RAB27A: variants seen among roughly 807,000 people sequenced by gnomAD.
RAB27A encodes the protein RAB27A, member RAS oncogene family, also known as ras-related protein Rab-27A.
A neutral mutation model predicts 20.8 loss-of-function variants in RAB27A; 17 were observed. The ratio of observed to expected loss-of-function variants is 0.82; its 90% confidence interval spans 0.56 to 1.23. The LOEUF (loss-of-function observed/expected upper bound fraction) is 1.23, where lower values mean the gene tolerates loss of function less well. Among genes scored for constraint, RAB27A ranks in the 50% most tolerant of loss-of-function variants. The pLI, the probability that RAB27A is intolerant of heterozygous loss-of-function variation, is 0.00. For missense variants in RAB27A, 277 were observed against 266.7 expected (o/e 1.04, Z -0.27); for synonymous variants, 85 against 92.8 (o/e 0.92, Z 0.48).
At chr15:55,278,752 G>C (rs541423321) in intron 1 of RAB27A, among the ~76,000 whole-genome samples, 6 of 152,258 alleles carry the variant, frequency 3.9e-5, no homozygotes, top group Non-Finnish European at 8.8e-5. Context: ...AAAGTGCTGG[G>C]ATTACAGGCG....
rs527521261 is a variant in RAB27A at position 55,315,699 on chromosome 15, A to G, written c.-233-1539T>C. On this transcript the variant is annotated intron_variant, in intron 1 of 5. Coordinates refer to the RAB27A transcript ENST00000563262. ...TAGAGAAATGCAAATCAAAACCACA[A>G]TGAGATACCATCTCATGCCAGTTAG... 4.2e-4 allele frequency among the ~76,000 whole-genome samples: 64 copies of G among 152,314 alleles called. 1 individual carries two copies. The South Asian group carries it at 8.7e-3, about 21-fold the overall frequency.
intron 1 of RAB27A, among the ~76,000 whole-genome samples, chr15:55,288,260 C>A (rs1322042873): frequency 3.3e-5 from 5 of 152,130 alleles, no homozygotes; most frequent in African/African-American, 1.2e-4. Flanking sequence ...GTGGCTCAAG[C>A]CTATAATCCC....
chr15:55,235,496 A>G (rs1051335663), intron 2 of RAB27A, among the ~76,000 whole-genome samples: 1 of 152,026 alleles, frequency 6.6e-6, no homozygotes, highest in African/African-American at 2.4e-5. Flanking sequence ...AAACATACAT[A>G]TTATAGTACC....
intron 2 of RAB27A, among the ~76,000 whole-genome samples, chr15:55,237,023 T>G (rs1264988952): frequency 1.3e-5 from 2 of 152,134 alleles, no homozygotes; most frequent in African/African-American, 4.8e-5. Flanking sequence ...TAAACTCTCC[T>G]GAAAATCATA....
chr15:55,226,132 A>C (rs1182429655), intron 5 of RAB27A, among the ~76,000 whole-genome samples: 1 of 152,214 alleles, frequency 6.6e-6, no homozygotes, highest in Non-Finnish European at 1.5e-5. Flanking sequence ...AATGTAGGCT[A>C]CTTTAAAGTT....
intron 1 of RAB27A, among the ~76,000 whole-genome samples, chr15:55,271,981 C>T (rs547381148): frequency 3.9e-4 from 60 of 152,262 alleles, no homozygotes; most frequent in African/African-American, 1.4e-3. Context: ...GCACCTCTTT[C>T]TTTTTTATAT....
intron 2 of RAB27A, among the ~76,000 whole-genome samples, chr15:55,306,377 T>A (rs1566941251): frequency 6.6e-6 from 1 of 152,162 alleles, no homozygotes; most frequent in Non-Finnish European, 1.5e-5. Flanking sequence ...GAGGGTGGTA[T>A]TAAATAGGCT....
At chr15:55,232,296 G>C (rs1246747874) in intron 3 of RAB27A, among the ~76,000 whole-genome samples, 1 of 152,098 alleles carries the variant, frequency 6.6e-6, no homozygotes, top group African/African-American at 2.4e-5. Flanking sequence ...AATTATCCCA[G>C]AAACATAATT....
chr15:55,278,482 A>T (rs377048146), intron 1 of RAB27A, among the ~76,000 whole-genome samples: 38 of 137,486 alleles, frequency 2.8e-4, no homozygotes, highest in South Asian at 1.4e-3. Context: ...AATCATTATT[A>T]TTTTTTTTTT....
At chr15:55,231,455 T>G (rs1345922107) in intron 3 of RAB27A, among the ~76,000 whole-genome samples, 1 of 152,270 alleles carries the variant, frequency 6.6e-6, no homozygotes, top group African/African-American at 2.4e-5. Context: ...CCAAATCAAC[T>G]TTTTCAGTAC....
At chr15:55,287,986 A>G (rs74761253) in intron 1 of RAB27A, among the ~76,000 whole-genome samples, 3 of 152,214 alleles carry the variant, frequency 2.0e-5, no homozygotes, top group Non-Finnish European at 4.4e-5. Flanking sequence ...TGCCAAAACT[A>G]TTCAAAGAGG....
intron 2 of RAB27A, among the ~76,000 whole-genome samples, chr15:55,260,174 C>T (rs1411886274): frequency 6.6e-6 from 1 of 152,132 alleles, no homozygotes; most frequent in African/African-American, 2.4e-5. Flanking sequence ...GGCAAATATG[C>T]ATATGAGAAG....
intron 6 of RAB27A, among the ~76,000 whole-genome samples, chr15:55,207,882 C>T (rs1894728235): frequency 6.6e-6 from 1 of 152,154 alleles, no homozygotes; most frequent in South Asian, 2.1e-4. Flanking sequence ...GTCTCAAACT[C>T]CTGACCTCAA....
intron 2 of RAB27A, among the ~76,000 whole-genome samples, chr15:55,303,112 G>A (rs1237382641): frequency 5.4e-5 from 7 of 130,596 alleles, no homozygotes; most frequent in African/African-American, 1.5e-4. Flanking sequence ...CTGGCCAGCC[G>A]TGCCGTCCGG....
At chr15:55,223,117 A>G (rs1895651999) in intron 6 of RAB27A, among the ~76,000 whole-genome samples, 1 of 152,162 alleles carries the variant, frequency 6.6e-6, no homozygotes, top group Admixed American at 6.6e-5. Flanking sequence ...CTCTCCCAGA[A>G]TAGAAATTTC....
At position 55,302,771 on chromosome 15, in the gene RAB27A, G is replaced by A. The variant is rs376364279; in HGVS notation, c.-112+11268C>T. ...AGCACCTCTGCCCGGCCGAGACCCCGTCTGGGAGGTGAGGAGCATCTCTGC... is the reference window on the plus strand; with the variant it reads ...AGCACCTCTGCCCGGCCGAGACCCCATCTGGGAGGTGAGGAGCATCTCTGC... On this transcript the variant is annotated intron_variant, in intron 2 of 5. Coordinates refer to the RAB27A transcript ENST00000563262. Among the ~76,000 whole-genome samples the A allele has an allele frequency of 5.0e-4, 68 of 135,326 alleles. 2 individuals are homozygous for A. The highest frequency in any genetic ancestry group is 1.1e-3 in the East Asian group (4 of 3,752). The allele number at this position is 135,326 out of a possible 152,430, so 88.8% of individuals were successfully genotyped here.
chr15:55,278,734 A>G (rs7164608), intron 1 of RAB27A, among the ~76,000 whole-genome samples: 75,005 of 151,996 alleles, frequency 0.49, 21,748 homozygotes, highest in African/African-American at 0.79. Context: ...TGCCCGCCTC[A>G]GCCTCCCAAA....
At chr15:55,223,485 G>T (rs1430955763) in intron 6 of RAB27A, among the ~76,000 whole-genome samples, 1 of 151,312 alleles carries the variant, frequency 6.6e-6, no homozygotes, top group Non-Finnish European at 1.5e-5. Context: ...CTCCAGCCTG[G>T]GTGACAGTGT....
rs1275872564 is a variant in RAB27A, at chr15:55,224,103, T to C, written c.344-91A>G. 3.2e-6 allele frequency: 3 copies of C among 948,986 alleles called. No individual in the cohort carries two copies. In the African/African-American group the frequency reaches 5.0e-5, roughly 16 times the overall value. 58.8% of individuals were successfully genotyped at this position (948,986 alleles called of 1,614,324 possible). The stretch of plus-strand genomic sequence containing the variant: ...ACATGCAAAAGTGCTTTGAAGACTA[T>C]AATGTATATATAGATATTGGGAATT... On this transcript the variant is annotated intron_variant, in intron 5 of 6. Transcript: ENST00000336787.
Sources: gnomAD v4.1 joint callset for allele counts (sites outside exome capture counted in the v4.1 genomes callset) on GRCh38, gnomAD v4.1.1 for gene constraint, MANE v1.5 for transcripts, NCBI Gene and HGNC (gene_info 2026-07-23, HGNC 2026-07-21) for gene names.